Variants in MYRFL observed in about 807,000 individuals in gnomAD.
The protein encoded by MYRFL is myelin regulatory factor-like protein.
In MYRFL, 88 loss-of-function variants were observed where a neutral mutation model predicts 109.4. That is an observed-to-expected ratio of 0.80 (90% confidence interval 0.68 to 0.96). The LOEUF (loss-of-function observed/expected upper bound fraction) is 0.96, where lower values mean the gene tolerates loss of function less well. Ranked by LOEUF, MYRFL falls within the 40% of genes least tolerant of loss-of-function variation. The pLI is 0.00. For missense variants in MYRFL, 957 were observed against 954.9 expected (o/e 1.00, Z -0.03); for synonymous variants, 324 against 320.9 (o/e 1.01, Z -0.10).
intron 16 of MYRFL, among the ~76,000 whole-genome samples, chr12:69,935,675 T>C (rs1021563761): frequency 1.3e-5 from 2 of 152,216 alleles, no homozygotes; most frequent in African/African-American, 4.8e-5. Flanking sequence ...CATCCACAGC[T>C]GACTAGACCT....
chr12:69,827,193 C>T (rs1460508924), intron 1 of MYRFL, among the ~76,000 whole-genome samples: 1 of 152,006 alleles, frequency 6.6e-6, no homozygotes, highest in Non-Finnish European at 1.5e-5. Context: ...CAATTTGTTA[C>T]CCACCTGAAA....
intron 15 of MYRFL, among the ~76,000 whole-genome samples, chr12:69,928,524 A>G (rs886448378): frequency 2.0e-5 from 3 of 152,338 alleles, no homozygotes; most frequent in Non-Finnish European, 4.4e-5. Flanking sequence ...TCTACTCCTC[A>G]TGCTATACTG....
chr12:69,937,074 C>A (rs985128969), intron 19 of MYRFL, among the ~76,000 whole-genome samples: 2 of 152,110 alleles, frequency 1.3e-5, no homozygotes, highest in African/African-American at 4.8e-5. Flanking sequence ...CAGTGAAAAA[C>A]ACAAGACTGG....
intron 2 of MYRFL, among the ~76,000 whole-genome samples, chr12:69,858,327 T>G (rs1884426234): frequency 6.6e-6 from 1 of 151,904 alleles, no homozygotes; most frequent in Non-Finnish European, 1.5e-5. Flanking sequence ...TATATTTTAT[T>G]TTTTCTGGGT....
chr12:69,846,831 C>T (rs1216962699), intron 1 of MYRFL, among the ~76,000 whole-genome samples: 1 of 151,624 alleles, frequency 6.6e-6, no homozygotes, highest in African/African-American at 2.4e-5. Context: ...AAAAGTGTTC[C>T]TATTTCTCCA....
At chr12:69,924,455 A>C (rs1424626411) in intron 13 of MYRFL, among the ~76,000 whole-genome samples, 1 of 152,074 alleles carries the variant, frequency 6.6e-6, no homozygotes, top group African/African-American at 2.4e-5. Context: ...CTTTCTTTTT[A>C]CAGTTGCATA....
chr12:69,829,551 T>A (rs1337577963), intron 1 of MYRFL, among the ~76,000 whole-genome samples: 6 of 152,102 alleles, frequency 3.9e-5, no homozygotes, highest in Non-Finnish European at 4.4e-5. Flanking sequence ...AGTAGGCACT[T>A]ACTGATATTT....
chr12:69,867,035 T>G (rs1885057313), intron 2 of MYRFL, among the ~76,000 whole-genome samples: 1 of 152,230 alleles, frequency 6.6e-6, no homozygotes, highest in African/African-American at 2.4e-5. Flanking sequence ...GTATAAGGCA[T>G]GTATGCAGAG....
chr12:69,875,159 G>T (rs1040229772), intron 2 of MYRFL, among the ~76,000 whole-genome samples: 1 of 150,484 alleles, frequency 6.6e-6, no homozygotes, highest in Non-Finnish European at 1.5e-5. Flanking sequence ...CTCTCTGCAG[G>T]TTCATAAATC....
At chr12:69,883,959 A>G (rs1428996464) in intron 5 of MYRFL, among the ~76,000 whole-genome samples, 3 of 152,068 alleles carry the variant, frequency 2.0e-5, no homozygotes, top group Non-Finnish European at 4.4e-5. Context: ...TTCCATATAA[A>G]CTCTGCTATG....
intron 19 of MYRFL, among the ~76,000 whole-genome samples, chr12:69,949,214 A>C (rs1166143296): frequency 2.0e-5 from 3 of 151,564 alleles, no homozygotes; most frequent in Non-Finnish European, 4.4e-5. Flanking sequence ...TTCTATCCTG[A>C]AACTTGAACA....
chr12:69,900,613 T>C (rs1159332272), intron 10 of MYRFL, among the ~76,000 whole-genome samples: 1 of 152,180 alleles, frequency 6.6e-6, no homozygotes, highest in African/African-American at 2.4e-5. Context: ...AGGTCCTTTT[T>C]CTGTAACCCT....
At chr12:69,947,253 C>G (rs1198145875) in intron 19 of MYRFL, among the ~76,000 whole-genome samples, 2 of 152,096 alleles carry the variant, frequency 1.3e-5, no homozygotes, top group Admixed American at 1.3e-4. Flanking sequence ...TAATATCTAA[C>G]AGTTTACTAA....
At position 69,958,951 on chromosome 12, in the gene MYRFL, A is replaced by C. The variant is rs978536571; in HGVS notation, c.*420A>C. The C allele has an allele frequency of 6.7e-5, 12 of 179,634 alleles. No homozygotes were observed. Among genetic ancestry groups the C allele is most frequent in the Non-Finnish European group, 9.3e-5 (8 of 86,188 alleles). 11.1% of individuals were successfully genotyped at this position (179,634 alleles called of 1,614,324 possible). On this transcript the variant is annotated 3_prime_UTR_variant, in exon 25 of 25. Transcript: ENST00000552032. ...AAACATAGACTCTTGAGAATGTGTG[A>C]TATGGTATGTGGAGGAGATGTGGGG...
At chr12:69,878,907 C>T (rs946011005) in intron 2 of MYRFL, 121 bp from the exon 3 acceptor site, 8 of 669,946 alleles carry the variant, frequency 1.2e-5, no homozygotes, top group Non-Finnish European at 2.2e-5. Context: ...CTCACCCCCC[C>T]ATGCCCAGCA....
chr12:69,837,288 C>T (rs541211494), intron 1 of MYRFL, among the ~76,000 whole-genome samples: 1 of 152,310 alleles, frequency 6.6e-6, no homozygotes, highest in South Asian at 2.1e-4. Flanking sequence ...CCTCCTCTCA[C>T]TCACTTACCC....
intron 2 of MYRFL, among the ~76,000 whole-genome samples, chr12:69,863,044 G>T (rs1234697487): frequency 1.3e-5 from 2 of 151,698 alleles, no homozygotes; most frequent in East Asian, 1.9e-4. Flanking sequence ...TTATATGCTG[G>T]ATTACATTTA....
At position 69,903,673 on chromosome 12, in the gene MYRFL, C is replaced by G. The variant is rs574211933; in HGVS notation, c.1212C>G (p.Asp404Glu). The change falls in exon 11 of 25, where the codon GAC (aspartate) becomes GAG (glutamate). Residue 404 changes from aspartate to glutamate, a missense_variant. By Grantham distance (45) the Asp-to-Glu change is conservative. Coordinates refer to ENST00000552032, the MANE Select transcript of MYRFL (RefSeq NM_182530.3). ...RASNPGQFENDSDALWQRGQV... is the reference protein window; with the variant it reads ...RASNPGQFENESDALWQRGQV... ...CTAACCCTGGGCAGTTTGAAAATGA[C>G]AGTGATGCATTGTGGCAGCGAGGAC... 3.9e-6 allele frequency: 6 copies of G among 1,535,802 alleles called. No individual in the cohort carries two copies. The South Asian group carries it at 5.9e-5, about 15-fold the overall frequency.
intron 7 of MYRFL, among the ~76,000 whole-genome samples, chr12:69,891,413 A>G (rs1212864974): frequency 2.6e-5 from 4 of 152,198 alleles, no homozygotes; most frequent in Non-Finnish European, 5.9e-5. Context: ...TGGGCTGGCC[A>G]TCAGCTGGAG....
Sources: allele counts gnomAD v4.1 joint callset (sites outside exome capture counted in the v4.1 genomes callset), GRCh38; gene constraint gnomAD v4.1.1; transcripts MANE v1.5; gene names NCBI Gene and HGNC (gene_info 2026-07-23, HGNC 2026-07-21).